RBFOX1: variants seen among roughly 807,000 people sequenced by gnomAD.
The protein encoded by RBFOX1 is RNA binding protein fox-1 homolog 1.
In RBFOX1, 8 loss-of-function variants were observed where a neutral mutation model predicts 57.7. The ratio of observed to expected loss-of-function variants is 0.14; its 90% CI spans 0.08 to 0.25. The LOEUF (loss-of-function observed/expected upper bound fraction) is 0.25, where lower values mean the gene tolerates loss of function less well. Ranked by LOEUF, RBFOX1 falls within the 10% of genes least tolerant of loss-of-function variation. The probability of loss-of-function intolerance (pLI) is 1.00; values close to 1 mark genes in which losing one functional copy is unlikely to be tolerated. For missense variants in RBFOX1, 611 were observed against 548.5 expected, an observed-to-expected ratio of 1.11 and a Z score of -1.14; for synonymous variants, 326 against 222.4, an observed-to-expected ratio of 1.47 and a Z score of -4.15.
chr16:7,059,199 G>A (rs981027109), intron 4 of RBFOX1, among the ~76,000 whole-genome samples: 4 of 152,256 alleles, frequency 2.6e-5, no homozygotes, highest in East Asian at 1.9e-4. Context: ...CTCCCGCTGT[G>A]TCTCACCCCT....
intron 5 of RBFOX1, among the ~76,000 whole-genome samples, chr16:7,567,736 T>C (rs2092235048): frequency 4.0e-5 from 1 of 24,728 alleles, no homozygotes; most frequent in South Asian, 6.3e-4. Flanking sequence ...CTATATATAA[T>C]CCCTATATAT....
chr16:5,427,897 G>A (rs1222996572), intron 1 of RBFOX1, among the ~76,000 whole-genome samples: 2 of 152,174 alleles, frequency 1.3e-5, no homozygotes, highest in Non-Finnish European at 2.9e-5. Context: ...TCTGGGCATC[G>A]TGGCCCAGCC....
intron 4 of RBFOX1, among the ~76,000 whole-genome samples, chr16:7,172,083 G>C (rs185052492): frequency 1.2e-4 from 18 of 152,144 alleles, no homozygotes; most frequent in African/African-American, 4.1e-4. Context: ...ATATTGATTT[G>C]CTTTAACGTT....
chr16:6,958,812 T>G (rs1250953230), intron 3 of RBFOX1, among the ~76,000 whole-genome samples: 1 of 152,146 alleles, frequency 6.6e-6, no homozygotes, highest in Non-Finnish European at 1.5e-5. Context: ...ATCGTGTCAT[T>G]ATGGAGATGA....
intron 4 of RBFOX1, among the ~76,000 whole-genome samples, chr16:7,293,162 A>G (rs532850292): frequency 1.3e-5 from 2 of 152,332 alleles, no homozygotes; most frequent in East Asian, 1.9e-4. Flanking sequence ...CAGATCAAAA[A>G]TATTCAGAAA....
At chr16:6,640,754 A>G (rs2098480968) in intron 2 of RBFOX1, among the ~76,000 whole-genome samples, 1 of 152,180 alleles carries the variant, frequency 6.6e-6, no homozygotes, top group African/African-American at 2.4e-5. Flanking sequence ...TCTGAAGGAT[A>G]CAAGTTCCAG....
At chr16:5,479,970 C>A (rs1395805356) in intron 2 of RBFOX1, among the ~76,000 whole-genome samples, 1 of 152,112 alleles carries the variant, frequency 6.6e-6, no homozygotes, top group Non-Finnish European at 1.5e-5. Flanking sequence ...TCCAGCCCAG[C>A]CCACAGGAGG....
At chr16:6,225,653 C>T (rs2097411206) in intron 1 of RBFOX1, among the ~76,000 whole-genome samples, 2 of 152,118 alleles carry the variant, frequency 1.3e-5, no homozygotes, top group African/African-American at 4.8e-5. Context: ...TATAACTCCA[C>T]CAAATTTGCA....
chr16:7,709,247 G>GT (rs1280323318), intron 15 of RBFOX1, 116 bp downstream of exon 15: 1 of 1,098,798 alleles, frequency 9.1e-7, no homozygotes, highest in African/African-American at 1.6e-5. Flanking sequence ...TTTGTCTCTT[G>GT]TGCTAACAGC....
intron 2 of RBFOX1, among the ~76,000 whole-genome samples, chr16:6,414,790 C>T (rs2093574624): frequency 6.6e-6 from 1 of 152,112 alleles, no homozygotes; most frequent in Non-Finnish European, 1.5e-5. Context: ...GGACATTTGG[C>T]AATGTCTGTC....
chr16:6,832,679 A>C (rs1415626165), intron 3 of RBFOX1, among the ~76,000 whole-genome samples: 1 of 152,054 alleles, frequency 6.6e-6, no homozygotes, highest in Non-Finnish European at 1.5e-5. Flanking sequence ...TACTTTACCC[A>C]CTCAAAATAA....
chr16:6,106,195 G>A (rs975491624), intron 1 of RBFOX1, among the ~76,000 whole-genome samples: 2 of 152,070 alleles, frequency 1.3e-5, no homozygotes, highest in East Asian at 3.9e-4. Context: ...AGTAGCTCCT[G>A]CCTGTAATTC....
At chr16:7,275,081 G>A (rs750548998) in intron 4 of RBFOX1, among the ~76,000 whole-genome samples, 1 of 152,136 alleles carries the variant, frequency 6.6e-6, no homozygotes, top group African/African-American at 2.4e-5. Flanking sequence ...TGAGCGGGCA[G>A]GGTTCTGGAT....
Position 6,847,085 on chromosome 16 carries a change from C to A in RBFOX1, c.-16+192435C>A, listed in dbSNP as rs116703764. Among the ~76,000 whole-genome samples, 693 of 152,224 alleles carry A rather than the reference C, an allele frequency of 4.6e-3. 12 individuals carry two copies. Among genetic ancestry groups the A allele is most frequent in the African/African-American group, 0.016 (661 of 41,516 alleles). On this transcript the variant is annotated intron_variant, in intron 3 of 15. Transcript: ENST00000550418. Reference sequence around the variant, plus strand: ...TGTAAAGTGAAGCATCTTTCCTTCCCAGAGAACTTTATCTTGCCTCAGTCA... The same window carrying A: ...TGTAAAGTGAAGCATCTTTCCTTCCAAGAGAACTTTATCTTGCCTCAGTCA...
chr16:5,274,402 G>A (rs2063091418), intron 1 of RBFOX1, among the ~76,000 whole-genome samples: 1 of 152,150 alleles, frequency 6.6e-6, no homozygotes, highest in Non-Finnish European at 1.5e-5. Flanking sequence ...GGTCGTGGGT[G>A]CCTGTAGTCC....
At chr16:7,396,576 A>G (rs2098142389) in intron 4 of RBFOX1, among the ~76,000 whole-genome samples, 1 of 152,170 alleles carries the variant, frequency 6.6e-6, no homozygotes, top group South Asian at 2.1e-4. Context: ...TCTGGACTTA[A>G]CGTTACTTTA....
intron 5 of RBFOX1, among the ~76,000 whole-genome samples, chr16:7,559,897 T>G (rs2152663423): frequency 6.6e-6 from 1 of 152,336 alleles, no homozygotes; most frequent in East Asian, 1.9e-4. Flanking sequence ...GGTCAAATAG[T>G]TGTCTTTGGT....
At chr16:6,431,062 C>G (rs1218094662) in intron 2 of RBFOX1, among the ~76,000 whole-genome samples, 3 of 151,794 alleles carry the variant, frequency 2.0e-5, no homozygotes, top group South Asian at 4.2e-4. Context: ...TGCCTGAGCC[C>G]AGGAGTTTGA....
intron 2 of RBFOX1, among the ~76,000 whole-genome samples, chr16:6,497,817 A>G (rs1264525513): frequency 1.3e-5 from 2 of 152,034 alleles, no homozygotes; most frequent in Non-Finnish European, 2.9e-5. Context: ...TCAGCCTCCC[A>G]AAGTGTAGGT....
Sources: allele counts gnomAD v4.1 joint callset (sites outside exome capture counted in the v4.1 genomes callset), GRCh38; gene constraint gnomAD v4.1.1; transcripts MANE v1.5; gene names NCBI Gene and HGNC (gene_info 2026-07-23, HGNC 2026-07-21).